The following PDS5A variants were observed in gnomAD, a reference collection of about 807,000 sequenced individuals.
PDS5A encodes the protein PDS5 cohesin associated factor A, also known as sister chromatid cohesion protein PDS5 homolog A.
A neutral mutation model predicts 167.1 loss-of-function variants in PDS5A; 42 were observed. The ratio of observed to expected loss-of-function variants is 0.25; its 90% confidence interval spans 0.20 to 0.33. PDS5A has a LOEUF of 0.33. Ranked by LOEUF, PDS5A falls within the 10% of genes least tolerant of loss-of-function variation. PDS5A has a pLI of 1.00. For missense variants in PDS5A, 1,033 were observed against 1,605.9 expected (o/e 0.64, Z 6.10); for synonymous variants, 553 against 554.6 (o/e 1.00, Z 0.04).
intron 30 of PDS5A, among the ~76,000 whole-genome samples, 199 bp downstream of exon 30, chr4:39,844,457 G>C (rs1446514373): frequency 1.4e-5 from 2 of 141,738 alleles, no homozygotes; most frequent in African/African-American, 5.3e-5. Context: ...CCTGGGCGGG[G>C]ACAAGAGCGA....
At chr4:39,910,389 C>A in intron 9 of PDS5A, 51 bp from the exon 10 acceptor site, 1 of 898,314 alleles carries the variant, frequency 1.1e-6, no homozygotes, top group South Asian at 1.4e-5. Context: ...AATAATCACT[C>A]TCAAATCAGG....
intron 2 of PDS5A, among the ~76,000 whole-genome samples, chr4:39,954,233 G>A (rs1260874500): frequency 6.6e-6 from 1 of 152,016 alleles, no homozygotes; most frequent in Non-Finnish European, 1.5e-5. Context: ...GGTGGCATGT[G>A]CCTGTAGTCC....
At chr4:39,975,794 CTA>C (rs1328959953) in intron 2 of PDS5A, among the ~76,000 whole-genome samples, 1 of 152,140 alleles carries the variant, frequency 6.6e-6, no homozygotes, top group African/African-American at 2.4e-5. Flanking sequence ...TGGCCACAAT[CTA>C]TGTCAGTGGA....
At chr4:39,873,560 T>C (rs188969841) in intron 20 of PDS5A, among the ~76,000 whole-genome samples, 2 of 152,186 alleles carry the variant, frequency 1.3e-5, no homozygotes, top group Admixed American at 1.3e-4. Context: ...CAATTTATGA[T>C]AATAGGAATA....
At chr4:39,975,237 C>A (rs1439097764) in intron 2 of PDS5A, among the ~76,000 whole-genome samples, 2 of 152,062 alleles carry the variant, frequency 1.3e-5, no homozygotes, top group East Asian at 1.9e-4. Context: ...GATCCCGCCG[C>A]CGCACACAGA....
intron 16 of PDS5A, among the ~76,000 whole-genome samples, chr4:39,892,579 G>C (rs1722067854): frequency 6.6e-6 from 1 of 152,114 alleles, no homozygotes; most frequent in Admixed American, 6.5e-5. Flanking sequence ...TTTTACCAAA[G>C]CACACAATTC....
intron 21 of PDS5A, among the ~76,000 whole-genome samples, chr4:39,871,437 G>A (rs1720019439): frequency 6.6e-6 from 1 of 152,120 alleles, no homozygotes; most frequent in African/African-American, 2.4e-5. Context: ...ATGAGACTTA[G>A]GCCACGTTCT....
chr4:39,848,811 C>T (rs768632137), intron 28 of PDS5A, 40 bp downstream of exon 28: 6 of 1,517,182 alleles, frequency 4.0e-6, no homozygotes, highest in Non-Finnish European at 5.4e-6. Flanking sequence ...ACATTGAAAT[C>T]AGTTTAGTGT....
chr4:39,963,373 C>T lies in PDS5A; in HGVS notation c.138+13067G>A, dbSNP rs540703974. On this transcript the variant is annotated intron_variant, in intron 2 of 32. Coordinates refer to ENST00000303538, the MANE Select transcript of PDS5A (RefSeq NM_001100399.2). Reference sequence around the variant, plus strand: ...ACTCAGGGGGCTGAGGCAGGAGAATCGCCTGAACCTAGAAGGCGGAGGTTG... The same window carrying T: ...ACTCAGGGGGCTGAGGCAGGAGAATTGCCTGAACCTAGAAGGCGGAGGTTG... 1.8e-4 allele frequency among the ~76,000 whole-genome samples: 28 copies of T among 152,054 alleles called. No individual in the cohort carries two copies. In the Middle Eastern group the frequency reaches 0.01, roughly 55 times the overall value.
At chr4:39,961,895 G>A (rs1459875920) in intron 2 of PDS5A, among the ~76,000 whole-genome samples, 1 of 152,014 alleles carries the variant, frequency 6.6e-6, no homozygotes, top group Non-Finnish European at 1.5e-5. Context: ...CTTCATATAT[G>A]GTTTTTAATA....
At chr4:39,901,880 G>T (rs543111262) in intron 13 of PDS5A, among the ~76,000 whole-genome samples, 1 of 152,194 alleles carries the variant, frequency 6.6e-6, no homozygotes, top group South Asian at 2.1e-4. Flanking sequence ...CACACATCCT[G>T]GTTGGCCTGG....
At chr4:39,848,811 C>A in intron 28 of PDS5A, 40 bp downstream of exon 28, 2 of 1,517,298 alleles carry the variant, frequency 1.3e-6, no homozygotes, top group South Asian at 2.4e-5. Context: ...ACATTGAAAT[C>A]AGTTTAGTGT....
intron 32 of PDS5A, among the ~76,000 whole-genome samples, chr4:39,828,829 T>C (rs891717704): frequency 2.6e-5 from 4 of 151,802 alleles, no homozygotes; most frequent in African/African-American, 9.7e-5. Context: ...TACTGCAGAG[T>C]TGTGAACAGA....
At chr4:39,909,271 T>A (rs572366820) in intron 10 of PDS5A, among the ~76,000 whole-genome samples, 1 of 152,088 alleles carries the variant, frequency 6.6e-6, no homozygotes, top group Admixed American at 6.5e-5. Context: ...ATTACAGGCA[T>A]CTGCCACCAT....
chr4:39,832,973 T>C (rs1299433813), intron 32 of PDS5A, among the ~76,000 whole-genome samples: 1 of 150,846 alleles, frequency 6.6e-6, no homozygotes, highest in African/African-American at 2.4e-5. Flanking sequence ...CTGGCCAACA[T>C]AGTGAAACCC....
In PDS5A at chr4:39,860,307, A is replaced by C. The variant is rs568219982; in HGVS notation, c.3086+1912T>G. 2.8e-4 allele frequency among the ~76,000 whole-genome samples: 43 copies of C among 152,188 alleles called. No homozygotes were observed. The South Asian group carries it at 7.9e-3, about 28-fold the overall frequency. ...TGGTGAAAACTGGTCTCTACTAAAA[A>C]TACAAAAATTAGCTGGTTGTGGTGG... On this transcript the variant is annotated intron_variant, in intron 26 of 32. Transcript: ENST00000303538.
rs765164977 is a variant in PDS5A, at chr4:39,838,197, A to G, written c.3669T>C (p.Ser1223=). ...TGATGTTGCCCTGGGTAGCCTGATCAGAATTAATTTCCTAAAAAAGCACAA... is the reference window on the plus strand; with the variant it reads ...TGATGTTGCCCTGGGTAGCCTGATCGGAATTAATTTCCTAAAAAAGCACAA... ...IDPVKNKEIN[S]DQATQGNISS... Residue 1223 remains serine (S), a synonymous_variant, in exon 32 of 33, where the codon TCT becomes TCC. Coordinates refer to ENST00000303538, the MANE Select transcript of PDS5A (RefSeq NM_001100399.2). The G allele has an allele frequency of 1.3e-6, 2 of 1,563,314 alleles. No individual in the cohort carries two copies. The highest frequency in any genetic ancestry group is 1.7e-6 in the Non-Finnish European group (2 of 1,160,258).
At chr4:39,965,134 A>G (rs1729859205) in intron 2 of PDS5A, among the ~76,000 whole-genome samples, 1 of 152,074 alleles carries the variant, frequency 6.6e-6, no homozygotes, top group South Asian at 2.1e-4. Flanking sequence ...CTTTCTTTTA[A>G]CCAATAGAGT....
At chr4:39,861,188 C>T (rs886600374) in intron 26 of PDS5A, among the ~76,000 whole-genome samples, 3 of 151,880 alleles carry the variant, frequency 2.0e-5, no homozygotes, top group African/African-American at 7.2e-5. Flanking sequence ...TTGCCAAGTG[C>T]GGTGGCTCAC....
Sources: gnomAD v4.1 joint callset for allele counts (sites outside exome capture counted in the v4.1 genomes callset) on GRCh38, gnomAD v4.1.1 for gene constraint, MANE v1.5 for transcripts, NCBI Gene and HGNC (gene_info 2026-07-23, HGNC 2026-07-21) for gene names.